The following SOBP variants were observed in gnomAD, a reference collection of about 807,000 sequenced individuals.
The protein encoded by SOBP is sine oculis-binding protein homolog.
Under a neutral mutation model 53.6 loss-of-function variants are expected in SOBP, and 4 were observed. The ratio of observed to expected loss-of-function variants is 0.07; its 90% confidence interval spans 0.04 to 0.17. SOBP has a LOEUF of 0.17. Ranked by LOEUF, SOBP falls within the 10% of genes least tolerant of loss-of-function variation. The probability of loss-of-function intolerance (pLI) is 1.00; values close to 1 mark genes in which losing one functional copy is unlikely to be tolerated. For missense variants in SOBP, 1,088 were observed against 1,204.7 expected (o/e 0.90, Z 1.43); for synonymous variants, 584 against 522.6 (o/e 1.12, Z -1.60).
intron 6 of SOBP, among the ~76,000 whole-genome samples, chr6:107,637,862 A>T (rs1390488649): frequency 6.6e-6 from 1 of 152,262 alleles, no homozygotes; most frequent in East Asian, 1.9e-4. Context: ...TCAGTCTTGT[A>T]TGTGGACCAG....
intron 5 of SOBP, among the ~76,000 whole-genome samples, chr6:107,589,145 C>T (rs934221322): frequency 6.6e-6 from 1 of 152,194 alleles, no homozygotes; most frequent in African/African-American, 2.4e-5. Flanking sequence ...GCAAGCTCCA[C>T]TCCAAAGTAC....
chr6:107,641,383 T>A (rs1771312078), intron 6 of SOBP, among the ~76,000 whole-genome samples: 1 of 152,224 alleles, frequency 6.6e-6, no homozygotes, highest in Admixed American at 6.5e-5. Context: ...AGAAATAAGC[T>A]AGATACTTCC....
intron 1 of SOBP, among the ~76,000 whole-genome samples, chr6:107,498,897 A>T (rs1358941260): frequency 5.3e-5 from 8 of 152,146 alleles, no homozygotes; most frequent in Admixed American, 4.6e-4. Context: ...AGAGGCAGGG[A>T]AATTATGTAG....
intron 6 of SOBP, 98 bp from the exon 7 acceptor site, chr6:107,658,109 G>A (rs1772143509): frequency 6.5e-6 from 1 of 153,030 alleles, no homozygotes; most frequent in Admixed American, 6.5e-5. Context: ...GCTGGAGAGT[G>A]TGCTGCTGTC....
At chr6:107,655,235 C>T (rs990695414) in intron 6 of SOBP, among the ~76,000 whole-genome samples, 1 of 152,058 alleles carries the variant, frequency 6.6e-6, no homozygotes, top group African/African-American at 2.4e-5. Context: ...TATTTCCTCC[C>T]CACTCTGTTG....
At chr6:107,542,200 A>G (rs905753739) in intron 4 of SOBP, among the ~76,000 whole-genome samples, 1 of 152,204 alleles carries the variant, frequency 6.6e-6, no homozygotes, top group Non-Finnish European at 1.5e-5. Context: ...CTGCTGTTTC[A>G]TATCTGAGGA....
At chr6:107,627,719 G>T (rs1444757574) in intron 5 of SOBP, among the ~76,000 whole-genome samples, 1 of 152,188 alleles carries the variant, frequency 6.6e-6, no homozygotes, top group African/African-American at 2.4e-5. Flanking sequence ...CCTGCAGAAA[G>T]TTTCTTGTTT....
At chr6:107,627,712 G>A (rs1213244585) in intron 5 of SOBP, among the ~76,000 whole-genome samples, 1 of 152,192 alleles carries the variant, frequency 6.6e-6, no homozygotes, top group Non-Finnish European at 1.5e-5. Context: ...ATCTAAACCT[G>A]CAGAAAGTTT....
chr6:107,505,629 C>A (rs1281415379), intron 2 of SOBP, among the ~76,000 whole-genome samples: 1 of 150,776 alleles, frequency 6.6e-6, no homozygotes, highest in Non-Finnish European at 1.5e-5. Context: ...AGTCACCTCT[C>A]AGTTTTGTTT....
intron 4 of SOBP, among the ~76,000 whole-genome samples, chr6:107,542,552 G>A (rs1784178914): frequency 6.6e-6 from 1 of 152,124 alleles, no homozygotes; most frequent in South Asian, 2.1e-4. Context: ...TGTGACGGAA[G>A]TAACACATTC....
chr6:107,494,430 A>G (rs1443223489), intron 1 of SOBP, among the ~76,000 whole-genome samples: 1 of 152,220 alleles, frequency 6.6e-6, no homozygotes, highest in Non-Finnish European at 1.5e-5. Context: ...TAAGGTAAAT[A>G]TTGTTGCCCT....
intron 3 of SOBP, chr6:107,509,890 G>A (rs1315478166): frequency 6.6e-6 from 1 of 152,144 alleles, no homozygotes; most frequent in African/African-American, 2.4e-5. Flanking sequence ...ATGTAGGGAA[G>A]GACATGTTTA....
intron 6 of SOBP, among the ~76,000 whole-genome samples, chr6:107,642,134 G>A (rs1042781838): frequency 2.0e-5 from 3 of 152,148 alleles, no homozygotes; most frequent in East Asian, 1.9e-4. Context: ...CACTGGCATC[G>A]TTTAACAGGG....
At chr6:107,595,675 T>C (rs1785923374) in intron 5 of SOBP, among the ~76,000 whole-genome samples, 1 of 152,172 alleles carries the variant, frequency 6.6e-6, no homozygotes, top group South Asian at 2.1e-4. Context: ...AGAACTAATA[T>C]TAATCATATT....
chr6:107,609,867 CA>C (rs1786528119), intron 5 of SOBP, among the ~76,000 whole-genome samples: 1 of 152,102 alleles, frequency 6.6e-6, no homozygotes, highest in African/African-American at 2.4e-5. Flanking sequence ...AAGTGCTACC[CA>C]AGTGTTGCCA....
intron 4 of SOBP, among the ~76,000 whole-genome samples, chr6:107,556,501 C>T (rs1263813115): frequency 6.6e-6 from 1 of 152,202 alleles, no homozygotes; most frequent in African/African-American, 2.4e-5. Flanking sequence ...ATCCATCACA[C>T]CTGAAACCAA....
chr6:107,496,688 G>T (rs748226244), intron 1 of SOBP, among the ~76,000 whole-genome samples: 3 of 152,182 alleles, frequency 2.0e-5, no homozygotes, highest in Non-Finnish European at 4.4e-5. Flanking sequence ...GCAGGGTTCA[G>T]TATATAAAGT....
rs564833396 is a variant in SOBP at position 107,602,100 on chromosome 6, CT to C, written c.669+14932del. Among the ~76,000 whole-genome samples the C allele has an allele frequency of 2.4e-4, 37 of 152,286 alleles. No homozygotes were observed. In the South Asian group the frequency reaches 7.5e-3, roughly 31 times the overall value. ...TATACTCATTGCTCTCTCTCCTTCT[CT>C]TTTTTTCCTAAATTAAGATGAGAGC... On this transcript the variant is annotated intron_variant, in intron 5 of 6. Coordinates refer to ENST00000317357, the MANE Select transcript of SOBP (RefSeq NM_018013.4).
chr6:107,624,291 G>C (rs1770359989), intron 5 of SOBP, among the ~76,000 whole-genome samples: 1 of 152,166 alleles, frequency 6.6e-6, no homozygotes. Context: ...TTTAAGAGGG[G>C]CATTAACAAG....
Sources: allele counts gnomAD v4.1 joint callset (sites outside exome capture counted in the v4.1 genomes callset), GRCh38; gene constraint gnomAD v4.1.1; transcripts MANE v1.5; gene names NCBI Gene and HGNC (gene_info 2026-07-23, HGNC 2026-07-21).